RGPD2: variants seen among roughly 807,000 people sequenced by gnomAD.
RGPD2 encodes the protein RANBP2 like and GRIP domain containing 2, also known as RANBP2-like and GRIP domain-containing protein 2.
RGPD2 carries 2 observed loss-of-function variants against 36.0 expected under a neutral mutation model. The ratio of observed to expected loss-of-function variants is 0.06; its 90% confidence interval spans 0.02 to 0.17. The LOEUF (loss-of-function observed/expected upper bound fraction) is 0.17. Ranked by LOEUF, RGPD2 falls within the 10% of genes least tolerant of loss-of-function variation. The pLI, the probability that RGPD2 is intolerant of heterozygous loss-of-function variation, is 1.00. For missense variants in RGPD2, 40 were observed against 464.3 expected (o/e 0.09, Z 8.40); for synonymous variants, 19 against 163.8 (o/e 0.12, Z 6.75).
chr2:87,986,494 G>T, the RGPD2 span, among the ~76,000 whole-genome samples: 1 of 151,868 alleles, frequency 6.6e-6, no homozygotes, highest in Non-Finnish European at 1.5e-5. Context: ...AGCCCAGTTT[G>T]CCAGAGACAG....
rs1394861870 is a variant in RGPD2 at position 87,756,219 on chromosome 2, T to TCTAA, written c.*1169_*1172dup. ...TTTAAACACAGGAGAGGGCCCATTGTCTAACTGGTGAGTTGGTTGAGTGGA... is the reference window on the plus strand; with the variant it reads ...TTTAAACACAGGAGAGGGCCCATTGTCTAACTAACTGGTGAGTTGGTTGAGTGGA... On this transcript the variant is annotated 3_prime_UTR_variant, in exon 23 of 23. Transcript: ENST00000398146. 6.6e-5 allele frequency: 4 copies of TCTAA among 60,230 alleles called. No individual in the cohort carries two copies. The highest frequency in any genetic ancestry group is 1.4e-4 in the Non-Finnish European group (4 of 28,186). 3.7% of individuals were successfully genotyped at this position (60,230 alleles called of 1,614,324 possible).
At chr2:87,972,814 C>G in the RGPD2 span, 1 of 1,611,840 alleles carries the variant, frequency 6.2e-7, no homozygotes, top group Non-Finnish European at 8.5e-7. Flanking sequence ...GCACCTACTA[C>G]TATGAGCTCT....
At chr2:87,960,470 C>T in the RGPD2 span, among the ~76,000 whole-genome samples, 1 of 67,632 alleles carries the variant, frequency 1.5e-5, no homozygotes, top group African/African-American at 5.6e-5. Flanking sequence ...CCTGGATAGG[C>T]TATATGTGCC....
At chr2:87,861,172 G>A in the RGPD2 span, among the ~76,000 whole-genome samples, 1 of 142,404 alleles carries the variant, frequency 7.0e-6, no homozygotes, top group South Asian at 2.3e-4. Flanking sequence ...AATTAACAAT[G>A]GCTATCTGGA....
the RGPD2 span, among the ~76,000 whole-genome samples, chr2:87,885,080 A>G: frequency 5.3e-3 from 803 of 151,358 alleles, no homozygotes; most frequent in African/African-American, 0.019. Flanking sequence ...GGTTCAATTT[A>G]AGATTTTTTA....
the RGPD2 span, among the ~76,000 whole-genome samples, chr2:87,922,418 T>C: frequency 6.7e-6 from 1 of 148,508 alleles, no homozygotes; most frequent in Non-Finnish European, 1.5e-5. Flanking sequence ...AAAAGTGGAA[T>C]ATGAATATTA....
At chr2:87,858,036 GAC>G in the RGPD2 span, among the ~76,000 whole-genome samples, 184 of 152,140 alleles carry the variant, frequency 1.2e-3, no homozygotes, top group Middle Eastern at 0.017. Flanking sequence ...CTGCAATATA[GAC>G]ACACACACAC....
chr2:87,972,683 A>G, the RGPD2 span: 2 of 1,549,896 alleles, frequency 1.3e-6, no homozygotes, highest in African/African-American at 2.8e-5. Context: ...CGGGAACGGC[A>G]GCGAGGAGGC....
chr2:87,919,418 G>C, the RGPD2 span, among the ~76,000 whole-genome samples: 122 of 152,100 alleles, frequency 8.0e-4, no homozygotes, highest in African/African-American at 2.9e-3. Flanking sequence ...CTGATTATCT[G>C]ACTGGCCCTG....
At chr2:87,935,205 A>T in the RGPD2 span, among the ~76,000 whole-genome samples, 1 of 144,504 alleles carries the variant, frequency 6.9e-6, no homozygotes, top group African/African-American at 2.6e-5. Flanking sequence ...GTGGTAAGGG[A>T]GGGATTGAAT....
At chr2:87,961,696 TAAAA>T in the RGPD2 span, among the ~76,000 whole-genome samples, 9 of 50,990 alleles carry the variant, frequency 1.8e-4, no homozygotes, top group East Asian at 1.4e-3. Context: ...TAAGACTTCC[TAAAA>T]AAAAAAAAAA....
At chr2:87,971,652 C>T in the RGPD2 span, among the ~76,000 whole-genome samples, 1 of 149,426 alleles carries the variant, frequency 6.7e-6, no homozygotes, top group Non-Finnish European at 1.5e-5. Context: ...TTTATGTTTA[C>T]TTTTAATGTT....
chr2:87,948,527 G>A, the RGPD2 span, among the ~76,000 whole-genome samples: 11 of 147,396 alleles, frequency 7.5e-5, no homozygotes, highest in East Asian at 2.0e-4. Context: ...GATTTCAGGC[G>A]TGTGCCACCA....
chr2:87,939,816 T>A, the RGPD2 span, among the ~76,000 whole-genome samples: 1 of 152,012 alleles, frequency 6.6e-6, no homozygotes, highest in Non-Finnish European at 1.5e-5. Context: ...TTGATTGTGC[T>A]GTTTGAGTCA....
the RGPD2 span, among the ~76,000 whole-genome samples, chr2:87,885,885 T>A: frequency 6.6e-6 from 1 of 151,902 alleles, no homozygotes; most frequent in Non-Finnish European, 1.5e-5. Context: ...AACTTCTAAA[T>A]GCTACCCCTG....
the RGPD2 span, among the ~76,000 whole-genome samples, chr2:87,885,480 AGTAC>A: frequency 1.3e-5 from 2 of 151,886 alleles, no homozygotes; most frequent in East Asian, 3.9e-4. Flanking sequence ...TGTTAAATAT[AGTAC>A]TGGAAGTCCT....
chr2:87,866,605 C>G, the RGPD2 span, among the ~76,000 whole-genome samples: 1 of 152,278 alleles, frequency 6.6e-6, no homozygotes, highest in East Asian at 1.9e-4. Context: ...CACCTCTAGC[C>G]AAAGATCCAC....
the RGPD2 span, among the ~76,000 whole-genome samples, chr2:87,959,056 A>ATT: frequency 9.1e-5 from 2 of 21,924 alleles, 1 homozygote; most frequent in Non-Finnish European, 2.7e-4. Context: ...ATATATATAT[A>ATT]TTTTTTTTAA....
chr2:87,884,319 A>G, the RGPD2 span, among the ~76,000 whole-genome samples: 1 of 152,046 alleles, frequency 6.6e-6, no homozygotes, highest in Non-Finnish European at 1.5e-5. Context: ...GGGAGTGTAT[A>G]ACAATTAAAA....
Sources: gnomAD v4.1 joint callset for allele counts (sites outside exome capture counted in the v4.1 genomes callset) on GRCh38, gnomAD v4.1.1 for gene constraint, MANE v1.5 for transcripts, NCBI Gene and HGNC (gene_info 2026-07-23, HGNC 2026-07-21) for gene names.